WWOX: variants seen among roughly 807,000 people sequenced by gnomAD.
WWOX encodes the protein WW domain containing oxidoreductase.
A neutral mutation model predicts 46.2 loss-of-function variants in WWOX; 69 were observed. That is an observed-to-expected ratio of 1.49 (90% CI 1.23 to 1.82). WWOX has a LOEUF of 1.82. Among genes scored for constraint, WWOX ranks in the 40% most tolerant of loss-of-function variants. The pLI is 0.00. For synonymous variants in WWOX, 359 were observed against 202.6 expected, an observed-to-expected ratio of 1.77 and a Z score of -6.56; for missense variants, 919 against 542.6, an observed-to-expected ratio of 1.69 and a Z score of -6.89.
intron 8 of WWOX, among the ~76,000 whole-genome samples, chr16:78,852,509 G>C (rs113625010): frequency 2.6e-5 from 4 of 152,188 alleles, no homozygotes; most frequent in African/African-American, 7.2e-5. Flanking sequence ...CTTGTTGGAA[G>C]CAGTTCCTCC....
At chr16:78,573,294 C>CA (rs1394472732) in intron 8 of WWOX, among the ~76,000 whole-genome samples, 2 of 152,186 alleles carry the variant, frequency 1.3e-5, no homozygotes. Context: ...TCAAAACAAA[C>CA]AAACAAAACA....
At chr16:78,659,267 C>T (rs938325120) in intron 8 of WWOX, among the ~76,000 whole-genome samples, 2 of 152,040 alleles carry the variant, frequency 1.3e-5, no homozygotes, top group African/African-American at 2.4e-5. Flanking sequence ...CAGAGATAAC[C>T]GTGTAGCAGA....
intron 6 of WWOX, among the ~76,000 whole-genome samples, chr16:78,423,545 G>A (rs2083001861): frequency 6.6e-6 from 1 of 152,046 alleles, no homozygotes; most frequent in Admixed American, 6.6e-5. Context: ...TTTGATTCAC[G>A]TGAAAGCCTT....
chr16:78,494,573 A>G (rs139422121), intron 8 of WWOX, among the ~76,000 whole-genome samples: 1 of 152,304 alleles, frequency 6.6e-6, no homozygotes, highest in East Asian at 1.9e-4. Context: ...CAACATTCCA[A>G]AGATCTTTTT....
intron 8 of WWOX, among the ~76,000 whole-genome samples, chr16:79,088,702 T>G (rs1050256073): frequency 6.6e-5 from 10 of 152,154 alleles, no homozygotes; most frequent in Admixed American, 2.0e-4. Flanking sequence ...AAATATGTGG[T>G]CCATATTGAG....
intron 8 of WWOX, among the ~76,000 whole-genome samples, chr16:79,202,154 C>A (rs1027922960): frequency 6.6e-6 from 1 of 152,042 alleles, no homozygotes; most frequent in South Asian, 2.1e-4. Flanking sequence ...GTTGAGTGAT[C>A]GTGCCAGACA....
chr16:78,907,453 T>G (rs891643768), intron 8 of WWOX, among the ~76,000 whole-genome samples: 2 of 152,224 alleles, frequency 1.3e-5, no homozygotes, highest in East Asian at 3.8e-4. Flanking sequence ...GTCCTCCTCC[T>G]AACTTGGTGG....
Position 79,061,817 on chromosome 16 carries a change from G to A in WWOX, c.1057-149791G>A, listed in dbSNP as rs556026483. On this transcript the variant is annotated intron_variant, in intron 8 of 8. Coordinates refer to ENST00000566780, the MANE Select transcript of WWOX (RefSeq NM_016373.4). ...GCCTCTATGTCAGGCTCTGTACTGGGTTCTTTGAGTATACTCACCACCTCC... is the reference window on the plus strand; with the variant it reads ...GCCTCTATGTCAGGCTCTGTACTGGATTCTTTGAGTATACTCACCACCTCC... Among the ~76,000 whole-genome samples the A allele has an allele frequency of 1.1e-4, 16 of 152,304 alleles. 1 individual carries two copies. The highest frequency in any genetic ancestry group is 2.9e-4 in the African/African-American group (12 of 41,570).
chr16:78,825,767 A>G (rs1007846027), intron 8 of WWOX: 1 of 592,510 alleles, frequency 1.7e-6, no homozygotes, highest in Admixed American at 2.2e-5. Context: ...AGACCATGTT[A>G]ACTAGTACAT....
intron 8 of WWOX, among the ~76,000 whole-genome samples, chr16:78,990,288 A>G (rs1386205179): frequency 2.0e-5 from 3 of 151,740 alleles, no homozygotes; most frequent in Non-Finnish European, 2.9e-5. Context: ...CCTGTTTTCC[A>G]TGAAGCCTGA....
In WWOX at chr16:78,871,019, C is replaced by T. The variant is rs140375079; in HGVS notation, c.1057-340589C>T. On this transcript the variant is annotated intron_variant, in intron 8 of 8. Transcript: ENST00000566780. ...TCATAGACTCTGCTTATGGTTAATTCTTCTGGGGAAATTAATTTCTCGAGG... is the reference window on the plus strand; with the variant it reads ...TCATAGACTCTGCTTATGGTTAATTTTTCTGGGGAAATTAATTTCTCGAGG... Among the ~76,000 whole-genome samples the T allele has an allele frequency of 4.3e-3, 657 of 152,268 alleles. 15 individuals carry two copies. The highest frequency in any genetic ancestry group is 0.033 in the Admixed American group (501 of 15,292).
chr16:78,674,160 T>A (rs1023174052), intron 8 of WWOX, among the ~76,000 whole-genome samples: 27 of 152,124 alleles, frequency 1.8e-4, no homozygotes, highest in African/African-American at 6.3e-4. Context: ...TTCCTTTGGC[T>A]CAGAGACTTA....
intron 8 of WWOX, among the ~76,000 whole-genome samples, chr16:78,927,080 G>A (rs924704247): frequency 1.3e-5 from 2 of 152,184 alleles, no homozygotes; most frequent in African/African-American, 4.8e-5. Flanking sequence ...ATAGGCATGA[G>A]CCACCATGCC....
At chr16:78,333,209 C>T (rs1253665015) in intron 5 of WWOX, among the ~76,000 whole-genome samples, 1 of 151,706 alleles carries the variant, frequency 6.6e-6, no homozygotes, top group Admixed American at 6.6e-5. Flanking sequence ...TACTCCCACA[C>T]CCAGGTAATT....
chr16:79,121,216 A>T (rs1190313458), intron 8 of WWOX, among the ~76,000 whole-genome samples: 1 of 152,200 alleles, frequency 6.6e-6, no homozygotes, highest in African/African-American at 2.4e-5. Context: ...GGGAGTTGAC[A>T]TGGGTATCCT....
At position 78,581,079 on chromosome 16, in the gene WWOX, T is replaced by C. The variant is rs758912925; in HGVS notation, c.1056+148327T>C. On this transcript the variant is annotated intron_variant, in intron 8 of 8. Transcript: ENST00000566780. The stretch of plus-strand genomic sequence containing the variant: ...AGAGTGGTTGATTTTTTTTTTAATC[T>C]AAGAGCTTTCTTGGTTATTTTCTGT... Among the ~76,000 whole-genome samples, 6 of 152,318 alleles carry C rather than the reference T, an allele frequency of 3.9e-5. No individual in the cohort carries two copies. The South Asian group carries it at 1.2e-3, about 32-fold the overall frequency.
rs1195995015 is a variant in WWOX at position 79,212,013 on chromosome 16, G to C, written c.*217G>C. On this transcript the variant is annotated 3_prime_UTR_variant, in exon 9 of 9. Coordinates refer to ENST00000566780, the MANE Select transcript of WWOX (RefSeq NM_016373.4). ...CTTTTCTGGGGCTGGGCTAGGCATAGGTCTCTTTGCTTTCTGGTGGTGGCC... is the reference window on the plus strand; with the variant it reads ...CTTTTCTGGGGCTGGGCTAGGCATACGTCTCTTTGCTTTCTGGTGGTGGCC... 1.7e-5 allele frequency: 26 copies of C among 1,536,154 alleles called. No individual in the cohort carries two copies. The highest frequency in any genetic ancestry group is 2.2e-5 in the Non-Finnish European group (25 of 1,146,940).
At chr16:79,030,717 C>T (rs1394163199) in intron 8 of WWOX, among the ~76,000 whole-genome samples, 1 of 152,174 alleles carries the variant, frequency 6.6e-6, no homozygotes, top group Non-Finnish European at 1.5e-5. Context: ...ATCTTCTACC[C>T]TCCGGTTGTT....
intron 5 of WWOX, among the ~76,000 whole-genome samples, chr16:78,276,545 C>A (rs1214226668): frequency 6.6e-6 from 1 of 152,194 alleles, no homozygotes; most frequent in Non-Finnish European, 1.5e-5. Context: ...CTGTGAGCAA[C>A]CTCAAATCCT....
Sources: allele counts gnomAD v4.1 joint callset (sites outside exome capture counted in the v4.1 genomes callset), GRCh38; gene constraint gnomAD v4.1.1; transcripts MANE v1.5; gene names NCBI Gene and HGNC (gene_info 2026-07-23, HGNC 2026-07-21).